The following HIF3A variants were observed in gnomAD, a reference collection of about 807,000 sequenced individuals.
The protein encoded by HIF3A is hypoxia-inducible factor 3-alpha.
In HIF3A, 41 loss-of-function variants were observed where a neutral mutation model predicts 67.2. That is an observed-to-expected ratio of 0.61 (90% CI 0.48 to 0.79). The LOEUF is 0.79. HIF3A is among the 30% of genes least tolerant of loss of function. HIF3A has a pLI of 0.00. For synonymous variants in HIF3A, 356 were observed against 374.8 expected, an observed-to-expected ratio of 0.95 and a Z score of 0.58; for missense variants, 855 against 898.0, an observed-to-expected ratio of 0.95 and a Z score of 0.61.
At chr19:46,311,594 G>T (rs1424347224) in intron 6 of HIF3A, among the ~76,000 whole-genome samples, 2 of 152,146 alleles carry the variant, frequency 1.3e-5, no homozygotes, top group Admixed American at 6.6e-5. Context: ...GCCGGGCGAG[G>T]TGGCTAACAC....
chr19:46,299,709 C>CAAAAAAAAAAAAAA (rs56080471), intron 1 of HIF3A, among the ~76,000 whole-genome samples: 1 of 111,624 alleles, frequency 9.0e-6, no homozygotes, highest in East Asian at 2.5e-4. Context: ...GACCTTGTCG[C>CAAAAAAAAAAAAAA]AAAAAAAAAA....
chr19:46,318,912 C>T (rs916850361), intron 8 of HIF3A, among the ~76,000 whole-genome samples: 3 of 152,230 alleles, frequency 2.0e-5, no homozygotes, highest in South Asian at 2.1e-4. Flanking sequence ...TGAGCCACCG[C>T]GCCTGGCCTA....
intron 11 of HIF3A, among the ~76,000 whole-genome samples, chr19:46,326,780 G>A (rs1407151590): frequency 6.6e-6 from 1 of 152,106 alleles, no homozygotes; most frequent in Admixed American, 6.6e-5. Flanking sequence ...GGGTAAGAGG[G>A]GCATGCATAT....
intron 6 of HIF3A, 106 bp from the exon 7 acceptor site, chr19:46,312,055 C>A: frequency 2.4e-6 from 2 of 846,218 alleles, no homozygotes; most frequent in Non-Finnish European, 2.1e-6. Flanking sequence ...TCCTTCTCGA[C>A]ATCTTGCTGG....
At chr19:46,312,390 C>T (rs758432899) in intron 7 of HIF3A, 116 bp from the exon 8 acceptor site, 1 of 1,608,526 alleles carries the variant, frequency 6.2e-7, no homozygotes, top group African/African-American at 1.3e-5. Flanking sequence ...CAGCTCCCTG[C>T]TCCCCAAGCC....
At chr19:46,310,396 CA>C (rs1568511787) in intron 6 of HIF3A, 1 of 262,006 alleles carries the variant, frequency 3.8e-6, no homozygotes, top group Non-Finnish European at 7.7e-6. Flanking sequence ...CACTGTCTCT[CA>C]AAAAATAATA....
intron 10 of HIF3A, among the ~76,000 whole-genome samples, chr19:46,324,540 C>G (rs1970613590): frequency 2.0e-5 from 3 of 152,232 alleles, no homozygotes; most frequent in South Asian, 4.1e-4. Flanking sequence ...GACCTTTAAC[C>G]CCAGAGGATT....
Position 46,297,228 on chromosome 19 carries a change from T to C in HIF3A, c.26+126T>C, listed in dbSNP as rs947660716. 23 of 525,868 alleles carry C rather than the reference T, an allele frequency of 4.4e-5. No homozygotes were observed. Among genetic ancestry groups the C allele is most frequent in the Non-Finnish European group, 6.1e-5 (20 of 326,898 alleles). The allele number at this position is 525,868 out of a possible 1,614,324, so 32.6% of individuals were successfully genotyped here. A position where few individuals can be genotyped will look rare whatever the true frequency, so the allele number is the denominator to read the frequency against. The stretch of plus-strand genomic sequence containing the variant: ...CCAAGAACGCCCCGGGGCGCGCAGT[T>C]GGAGGCACATCCCCACCGCACTCTC... On this transcript the variant is annotated intron_variant, in intron 1 of 14. Transcript: ENST00000377670. The surrounding 1 kb of genome is among the most constrained non-coding windows in gnomAD (Gnocchi z 4.5).
intron 1 of HIF3A, 101 bp from the exon 2 acceptor site, chr19:46,303,797 T>C: frequency 6.6e-7 from 1 of 1,506,020 alleles, no homozygotes. Context: ...GGCCCAGCAC[T>C]CCACGAGCCC....
Position 46,307,959 on chromosome 19 carries a change from T to TAGAC in HIF3A, c.364-222_364-219dup, listed in dbSNP as rs750066520. Reference sequence around the variant, plus strand: ...AAAAATAGATAGATAGACAGATAGGTAGACAGACAGACAGACAGACAGACA... The same window carrying TAGAC: ...AAAAATAGATAGATAGACAGATAGGTAGACAGACAGACAGACAGACAGACAGACA... On this transcript the variant is annotated intron_variant, in intron 3 of 14. Coordinates refer to ENST00000377670, the MANE Select transcript of HIF3A (RefSeq NM_152795.4). Among the ~76,000 whole-genome samples, 767 of 105,866 alleles carry TAGAC rather than the reference T, an allele frequency of 7.2e-3. 9 individuals carry two copies. The highest frequency in any genetic ancestry group is 0.012 in the South Asian group (32 of 2,578). The allele number at this position is 105,866 out of a possible 152,430, so 69.5% of individuals were successfully genotyped here.
chr19:46,308,032 CTTGGTAT>C, intron 3 of HIF3A, among the ~76,000 whole-genome samples, 182 bp from the exon 4 acceptor site: 1 of 151,798 alleles, frequency 6.6e-6, no homozygotes, highest in East Asian at 1.9e-4. Context: ...GGGCCTGGCA[CTTGGTAT>C]GCGCTGAATA....
chr19:46,333,149 CCCA>C (rs962751949), intron 13 of HIF3A, among the ~76,000 whole-genome samples: 7 of 152,036 alleles, frequency 4.6e-5, no homozygotes, highest in African/African-American at 1.7e-4. Context: ...TTATTTAATC[CCCA>C]CAACTACTAT....
chr19:46,325,462 G>C lies in HIF3A; in HGVS notation c.1336-73G>C, dbSNP rs117712717. 15,714 of 1,048,552 alleles carry C rather than the reference G, an allele frequency of 0.015. 221 individuals are homozygous for C. Among genetic ancestry groups the C allele is most frequent in the Non-Finnish European group, 0.015 (10,419 of 687,340 alleles). The allele number at this position is 1,048,552 out of a possible 1,614,324, so 65.0% of individuals were successfully genotyped here. A position where few individuals can be genotyped will look rare whatever the true frequency, so the allele number is the denominator to read the frequency against. ...ATTTGATCCCCACTTCTACCCTTGAGCTGCAGACTGTCTTAATGTTGATAC... is the reference window on the plus strand; with the variant it reads ...ATTTGATCCCCACTTCTACCCTTGACCTGCAGACTGTCTTAATGTTGATAC... On this transcript the variant is annotated intron_variant, in intron 10 of 14. Coordinates refer to ENST00000377670, the MANE Select transcript of HIF3A (RefSeq NM_152795.4).
intron 6 of HIF3A, among the ~76,000 whole-genome samples, chr19:46,310,168 T>G (rs917443825): frequency 6.6e-6 from 1 of 152,134 alleles, no homozygotes; most frequent in Admixed American, 6.5e-5. Flanking sequence ...GAGGTTGCAG[T>G]GAGCCGAGAT....
At chr19:46,339,271 T>TA (rs891344542) in intron 14 of HIF3A, among the ~76,000 whole-genome samples, 5 of 150,708 alleles carry the variant, frequency 3.3e-5, no homozygotes, top group East Asian at 1.9e-4. Context: ...CCCCAGCCAA[T>TA]AAAAAAAAAG....
rs753774616 is a variant in HIF3A, at chr19:46,320,457, C to A, written c.1040C>A (p.Thr347Asn). The change falls in exon 9 of 15, where the codon ACC (threonine) becomes AAC (asparagine). Residue 347 changes from threonine to asparagine, a missense_variant. Transcript: ENST00000377670. ...VHFLISQVEE[T>N]GVVLSLEQTE... ...TTGTACCCCAGCCAGGTGGAAGAGA[C>A]CGGAGTGGTGCTGTCCCTGGAGCAA... 25 of 1,614,010 alleles carry A rather than the reference C, an allele frequency of 1.5e-5. 1 individual carries two copies. The Admixed American group carries it at 4.2e-4, about 27-fold the overall frequency.
rs755535048 is a variant in HIF3A, at chr19:46,329,336, G to C, written c.1570G>C (p.Ala524Pro). ...TCTGGGGGCTGTCCCCCGGCCCCGT[G>C]CTCGGAGCTTCCATGGCCTGTCACC... ...RPLGAVPRPR[A>P]RSFHGLSPPA... The change falls in exon 12 of 15, where the codon GCT becomes CCT. Residue 524 changes from alanine (A) to proline (P), a missense_variant. Ala to Pro is a conservative substitution (Grantham distance 27). Coordinates refer to ENST00000377670, the MANE Select transcript of HIF3A (RefSeq NM_152795.4). 1.2e-6 allele frequency: 2 copies of C among 1,613,252 alleles called. No homozygotes were observed.
At chr19:46,312,107 C>A (rs1231712603) in intron 6 of HIF3A, 54 bp from the exon 7 acceptor site, 5 of 1,303,164 alleles carry the variant, frequency 3.8e-6, no homozygotes, top group East Asian at 2.3e-5. Context: ...CTCTGCCTAC[C>A]CTCTCTCTCA....
intron 6 of HIF3A, chr19:46,311,936 A>C: frequency 1.4e-6 from 1 of 738,198 alleles, no homozygotes; most frequent in Non-Finnish European, 2.5e-6. Context: ...CACGTAAGAG[A>C]CCATATCTAC....
Sources: allele counts gnomAD v4.1 joint callset (sites outside exome capture counted in the v4.1 genomes callset), GRCh38; gene constraint gnomAD v4.1.1; non-coding constraint Gnocchi (gnomAD v3.1); transcripts MANE v1.5; gene names NCBI Gene and HGNC (gene_info 2026-07-23, HGNC 2026-07-21).